Variants in PATE3 observed in about 807,000 individuals in gnomAD.
PATE3 encodes prostate and testis expressed 3, also known as prostate and testis expressed protein 3.
PATE3 carries 7 observed loss-of-function variants against 7.4 expected under a neutral mutation model. That is an observed-to-expected ratio of 0.95 (90% CI 0.54 to 1.78). The LOEUF is 1.78. Among genes scored for constraint, PATE3 ranks in the 40% most tolerant of loss-of-function variants. The pLI is 0.00. For synonymous variants in PATE3, 38 were observed against 40.2 expected, an observed-to-expected ratio of 0.94 and a Z score of 0.21; for missense variants, 117 against 122.5, an observed-to-expected ratio of 0.96 and a Z score of 0.21.
At chr11:125,789,688 T>C (rs996130897) in intron 2 of PATE3, among the ~76,000 whole-genome samples, 180 bp downstream of exon 2, 1 of 152,192 alleles carries the variant, frequency 6.6e-6, no homozygotes, top group Non-Finnish European at 1.5e-5. Context: ...GAGGGAGAAC[T>C]TGGGGATTCT....
At chr11:125,789,640 T>G in intron 2 of PATE3, 132 bp downstream of exon 2, 2 of 968,884 alleles carry the variant, frequency 2.1e-6, no homozygotes, top group East Asian at 5.4e-5. Flanking sequence ...CAGGTCCCTG[T>G]GCATACAGAC....
In PATE3 at chr11:125,791,159, T is replaced by C. The variant is rs34368048; in HGVS notation, c.*557T>C. On this transcript the variant is annotated 3_prime_UTR_variant, in exon 3 of 3. Coordinates refer to ENST00000445202, the MANE Select transcript of PATE3 (RefSeq NM_001129883.4). The stretch of plus-strand genomic sequence containing the variant: ...ACATCCTTACACTGTTATTAGGAGA[T>C]AGCAAACAAGGATCTTCCCGGCCTC... 12,723 of 152,234 alleles carry C rather than the reference T, an allele frequency of 0.084. 686 individuals carry two copies. The highest frequency in any genetic ancestry group is 0.13 in the Non-Finnish European group (8,571 of 68,020). 9.4% of individuals were successfully genotyped at this position (152,234 alleles called of 1,614,324 possible). A position where few individuals can be genotyped will look rare whatever the true frequency, so the allele number is the denominator to read the frequency against.
rs182018924 is a variant in PATE3, at chr11:125,788,131, A to C, written c.-21A>C. On this transcript the variant is annotated 5_prime_UTR_variant, in exon 1 of 3. Coordinates refer to ENST00000445202, the MANE Select transcript of PATE3 (RefSeq NM_001129883.4). The stretch of plus-strand genomic sequence containing the variant: ...GCAGCCCCTAGCTTCTTTTTCCTGC[A>C]CAAGGGATTTCCGGGTCAGGATGAA... 103 of 1,550,796 alleles carry C rather than the reference A, an allele frequency of 6.6e-5. 2 individuals are homozygous for C. The East Asian group carries it at 2.3e-3, about 35-fold the overall frequency.
chr11:125,790,377 T>C lies in PATE3; in HGVS notation c.173-101T>C, dbSNP rs932611791. Reference sequence around the variant, plus strand: ...TAAGCTGGGAAGCCATTCCTCAACCTACCCTAATTAAATTTTCACCAACAG... The same window carrying C: ...TAAGCTGGGAAGCCATTCCTCAACCCACCCTAATTAAATTTTCACCAACAG... On this transcript the variant is annotated intron_variant, in intron 2 of 2. Transcript: ENST00000445202. The C allele has an allele frequency of 8.2e-6, 10 of 1,224,054 alleles. No individual in the cohort carries two copies. In the Admixed American group the frequency reaches 2.2e-4, roughly 27 times the overall value. The allele number at this position is 1,224,054 out of a possible 1,614,324, so 75.8% of individuals were successfully genotyped here.
In PATE3 at chr11:125,790,806, A is replaced by C. The variant is rs541439356; in HGVS notation, c.*204A>C. 2.1e-6 allele frequency: 1 copy of C among 475,006 alleles called. No homozygotes were observed. The highest frequency in any genetic ancestry group is 3.5e-5 in the East Asian group (1 of 28,594). The allele number at this position is 475,006 out of a possible 1,614,324, so 29.4% of individuals were successfully genotyped here. On this transcript the variant is annotated 3_prime_UTR_variant, in exon 3 of 3. Coordinates refer to ENST00000445202, the MANE Select transcript of PATE3 (RefSeq NM_001129883.4). Reference sequence around the variant, plus strand: ...AGTCAGAGAATAGTGGTTCTGAACAATGGATTTCTTCTATTATTGGGATTA... The same window carrying C: ...AGTCAGAGAATAGTGGTTCTGAACACTGGATTTCTTCTATTATTGGGATTA...
rs372641375 is a variant in PATE3 at position 125,789,411 on chromosome 11, A to G, written c.75A>G (p.Thr25=). ...IVAVTSLQCI[T]CHLRTRTDRC... ...CAGTGACATCACTTCAGTGCATAAC[A>G]TGCCACCTTCGCACACGGACAGACC... Residue 25 remains threonine, a synonymous_variant, in exon 2 of 3, where the codon ACA becomes ACG. Transcript: ENST00000445202. 5.8e-6 allele frequency: 9 copies of G among 1,551,458 alleles called. No homozygotes were observed. The African/African-American group carries it at 1.2e-4, about 21-fold the overall frequency.
At chr11:125,789,778 T>C (rs557225633) in intron 2 of PATE3, among the ~76,000 whole-genome samples, 2 of 152,232 alleles carry the variant, frequency 1.3e-5, no homozygotes, top group Non-Finnish European at 2.9e-5. Flanking sequence ...TGAGTATATG[T>C]GATTTTTCAT....
chr11:125,789,319 A>C (rs974370840), intron 1 of PATE3, 67 bp from the exon 2 acceptor site: 18 of 1,463,984 alleles, frequency 1.2e-5, no homozygotes, highest in Non-Finnish European at 2.8e-6. Context: ...CTCCATCTGA[A>C]TATTTCTAAC....
In PATE3 at chr11:125,791,039, T is replaced by G. The variant is rs935569504; in HGVS notation, c.*437T>G. Reference sequence around the variant, plus strand: ...TAGCAATTAAATGGATGATGGATACTGAAGATTTTTCTCTACGGACACCAA... The same window carrying G: ...TAGCAATTAAATGGATGATGGATACGGAAGATTTTTCTCTACGGACACCAA... On this transcript the variant is annotated 3_prime_UTR_variant, in exon 3 of 3. Coordinates refer to ENST00000445202, the MANE Select transcript of PATE3 (RefSeq NM_001129883.4). The G allele has an allele frequency of 6.5e-6, 1 of 152,848 alleles. No homozygotes were observed. Among genetic ancestry groups the G allele is most frequent in the African/African-American group, 2.4e-5 (1 of 41,454 alleles). The allele number at this position is 152,848 out of a possible 1,614,324, so 9.5% of individuals were successfully genotyped here. A position where few individuals can be genotyped will look rare whatever the true frequency, so the allele number is the denominator to read the frequency against.
At position 125,790,495 on chromosome 11, in the gene PATE3, T is replaced by C. The variant is rs1035285566; in HGVS notation, c.190T>C (p.Ser64Pro). 1.9e-6 allele frequency: 3 copies of C among 1,550,174 alleles called. No individual in the cohort carries two copies. The highest frequency in any genetic ancestry group is 1.7e-4 in the Middle Eastern group (1 of 5,992). The change falls in exon 3 of 3, where the codon TCA becomes CCA. Residue 64 changes from serine to proline, a missense_variant. Coordinates refer to ENST00000445202, the MANE Select transcript of PATE3 (RefSeq NM_001129883.4). ...TATTTTAGGCAATACTCTCCAGATA[T>C]CATACATGGTGTGTCAGAAATTCTG... The part of the protein sequence containing the change: ...RIYQRNTLQI[S>P]YMVCQKFCRD...
Position 125,788,145 on chromosome 11 carries a change from G to A in PATE3, c.-7G>A, listed in dbSNP as rs1032133866. Reference sequence around the variant, plus strand: ...CTTTTTCCTGCACAAGGGATTTCCGGGTCAGGATGAACAAACACTTCTTGT... The same window carrying A: ...CTTTTTCCTGCACAAGGGATTTCCGAGTCAGGATGAACAAACACTTCTTGT... On this transcript the variant is annotated 5_prime_UTR_variant, in exon 1 of 3. Transcript: ENST00000445202. 6.4e-7 allele frequency: 1 copy of A among 1,551,154 alleles called. No homozygotes were observed.
chr11:125,790,405 C>T, intron 2 of PATE3, 73 bp from the exon 3 acceptor site: 3 of 1,416,542 alleles, frequency 2.1e-6, no homozygotes, highest in Admixed American at 4.5e-5. Context: ...ACCAACAGAA[C>T]TAGTGCTGGG....
rs1423225908 is a variant in PATE3, at chr11:125,788,529, G to GA, written c.49+330dup. On this transcript the variant is annotated intron_variant, in intron 1 of 2. Coordinates refer to ENST00000445202, the MANE Select transcript of PATE3 (RefSeq NM_001129883.4). ...TTTGTAAACCTATATCCCATTTGTT[G>GA]ATGGAGCTGGTCAGTCTATAATGAA... Among the ~76,000 whole-genome samples the GA allele has an allele frequency of 9.9e-5, 15 of 152,246 alleles. No individual in the cohort carries two copies. In the East Asian group the frequency reaches 2.7e-3, roughly 27 times the overall value.
chr11:125,790,090 T>C (rs1406289442), intron 2 of PATE3, among the ~76,000 whole-genome samples: 1 of 152,060 alleles, frequency 6.6e-6, no homozygotes, highest in African/African-American at 2.4e-5. Flanking sequence ...AAAGAATAAG[T>C]TAATGTCATG....
At chr11:125,788,866 T>C (rs1464756898) in intron 1 of PATE3, among the ~76,000 whole-genome samples, 4 of 152,190 alleles carry the variant, frequency 2.6e-5, no homozygotes, top group African/African-American at 9.7e-5. Context: ...AGGGAAATTT[T>C]TTTAAATTAA....
At chr11:125,790,432 G>A (rs947117768) in intron 2 of PATE3, 46 bp from the exon 3 acceptor site, 1 of 1,525,948 alleles carries the variant, frequency 6.6e-7, no homozygotes. Flanking sequence ...TCACCTTGGA[G>A]AGCTTAAATC....
Position 125,791,519 on chromosome 11 carries a change from T to C in PATE3, c.*917T>C, listed in dbSNP as rs1323363413. 1.3e-5 allele frequency: 2 copies of C among 152,220 alleles called. No individual in the cohort carries two copies. Among genetic ancestry groups the C allele is most frequent in the African/African-American group, 4.8e-5 (2 of 41,452 alleles). The allele number at this position is 152,220 out of a possible 1,614,324, so 9.4% of individuals were successfully genotyped here. A position where few individuals can be genotyped will look rare whatever the true frequency, so the allele number is the denominator to read the frequency against. On this transcript the variant is annotated 3_prime_UTR_variant, in exon 3 of 3. Coordinates refer to ENST00000445202, the MANE Select transcript of PATE3 (RefSeq NM_001129883.4). The stretch of plus-strand genomic sequence containing the variant: ...AGATACCATCTACCCTGTACAGCTT[T>C]CTTGAGACTTGGGGGCCTGGGTCAA...
rs955891387 is a variant in PATE3 at position 125,791,488 on chromosome 11, T to C, written c.*886T>C. 2 of 152,168 alleles carry C rather than the reference T, an allele frequency of 1.3e-5. No homozygotes were observed. Among genetic ancestry groups the C allele is most frequent in the African/African-American group, 2.4e-5 (1 of 41,438 alleles). The allele number at this position is 152,168 out of a possible 1,614,324, so 9.4% of individuals were successfully genotyped here. A position where few individuals can be genotyped will look rare whatever the true frequency, so the allele number is the denominator to read the frequency against. On this transcript the variant is annotated 3_prime_UTR_variant, in exon 3 of 3. Coordinates refer to ENST00000445202, the MANE Select transcript of PATE3 (RefSeq NM_001129883.4). ...ATCCGTCATCAAAGGGAGTCAAACA[T>C]AGTCAAGATACCATCTACCCTGTAC...
At chr11:125,789,535 T>C (rs956983634) in intron 2 of PATE3, 27 bp downstream of exon 2, 4 of 1,537,532 alleles carry the variant, frequency 2.6e-6, no homozygotes, top group Admixed American at 2.0e-5. Context: ...GGGAAGGTGT[T>C]GTAAGATTCT....
Sources: gnomAD v4.1 joint callset for allele counts (sites outside exome capture counted in the v4.1 genomes callset) on GRCh38, gnomAD v4.1.1 for gene constraint, MANE v1.5 for transcripts, NCBI Gene and HGNC (gene_info 2026-07-23, HGNC 2026-07-21) for gene names.